Variants in DLC1 observed in about 807,000 individuals in gnomAD.
DLC1 encodes rho GTPase-activating protein 7.
In DLC1, 54 loss-of-function variants were observed where a neutral mutation model predicts 140.3. The ratio of observed to expected loss-of-function variants is 0.38; its 90% CI spans 0.31 to 0.48. The LOEUF (loss-of-function observed/expected upper bound fraction) is 0.48, where lower values mean the gene tolerates loss of function less well. DLC1 is among the 20% of genes least tolerant of loss of function. DLC1 has a pLI of 0.96. For synonymous variants in DLC1, 986 were observed against 728.1 expected (o/e 1.35, Z -5.70); for missense variants, 2,536 against 1,907.0 (o/e 1.33, Z -6.14).
At chr8:13,375,735 A>G (rs199633777) in intron 4 of DLC1, among the ~76,000 whole-genome samples, 1 of 150,596 alleles carries the variant, frequency 6.6e-6, no homozygotes, top group Non-Finnish European at 1.5e-5. Context: ...TTTTATTTTT[A>G]TTTTTTTGCT....
At chr8:13,283,972 G>A (rs1282344850) in intron 5 of DLC1, among the ~76,000 whole-genome samples, 6 of 152,152 alleles carry the variant, frequency 3.9e-5, no homozygotes, top group East Asian at 1.9e-4. Flanking sequence ...ACCAGCATGC[G>A]AAAGAACTCT....
chr8:13,493,107 C>T (rs1338325972), intron 2 of DLC1, among the ~76,000 whole-genome samples: 1 of 152,150 alleles, frequency 6.6e-6, no homozygotes, highest in Non-Finnish European at 1.5e-5. Flanking sequence ...AGTCTTTAGC[C>T]TAGGGAAACA....
At chr8:13,148,001 A>C (rs1024418408) in intron 5 of DLC1, among the ~76,000 whole-genome samples, 7 of 152,150 alleles carry the variant, frequency 4.6e-5, no homozygotes, top group Non-Finnish European at 1.0e-4. Context: ...AAAGAAGAAA[A>C]GCATTTATTA....
rs758317350 is a variant in DLC1, at chr8:13,401,541, C to T, written c.1102G>A (p.Asp368Asn). ...CTGGTGCTGAGGGCATTTTCTATGT[C>T]CTGATCAAGCTGGTCCAGTTTCATA... ...LIMKLDQLDQ[D>N]IENALSTSSS... is the part of the protein sequence containing the mutation. Residue 368 changes from aspartate to asparagine, a missense_variant, in exon 3 of 18, where the codon GAC (aspartate) becomes AAC (asparagine). Coordinates refer to ENST00000276297, the MANE Select transcript of DLC1 (RefSeq NM_182643.3). 1.0e-4 allele frequency: 169 copies of T among 1,613,354 alleles called. 1 individual carries two copies. In the South Asian group the frequency reaches 1.8e-3, roughly 18 times the overall value.
chr8:13,425,085 T>C (rs1487554657), intron 2 of DLC1, among the ~76,000 whole-genome samples: 1 of 151,836 alleles, frequency 6.6e-6, no homozygotes, highest in Non-Finnish European at 1.5e-5. Flanking sequence ...ATTTAGGATA[T>C]GCTTCTCTTT....
intron 2 of DLC1, among the ~76,000 whole-genome samples, chr8:13,465,294 G>A (rs1799879827): frequency 6.6e-6 from 1 of 152,118 alleles, no homozygotes; most frequent in African/African-American, 2.4e-5. Context: ...TGGAGTATGT[G>A]AATGGTTACA....
intron 5 of DLC1, among the ~76,000 whole-genome samples, chr8:13,224,931 C>T (rs1222276141): frequency 1.3e-5 from 2 of 152,184 alleles, no homozygotes; most frequent in African/African-American, 4.8e-5. Context: ...TAGGAATTTT[C>T]TAGGCAATTA....
At chr8:13,518,513 A>T (rs1233989082), upstream of DLC1, among the ~76,000 whole-genome samples, 1 of 152,218 alleles carries the variant, frequency 6.6e-6, no homozygotes, top group Non-Finnish European at 1.5e-5. Context: ...TTGAATCTGG[A>T]CTTCTGTACA....
Position 13,100,587 on chromosome 8 carries a change from C to T in DLC1, c.1750G>A (p.Asp584Asn). 6.2e-7 allele frequency: 1 copy of T among 1,613,830 alleles called. No homozygotes were observed. Among genetic ancestry groups the T allele is most frequent in the African/African-American group, 1.3e-5 (1 of 75,060 alleles). The change falls in exon 9 of 18, where the codon GAC becomes AAC. Residue 584 changes from aspartate to asparagine, a missense_variant. Physicochemically the swap from Asp to Asn is conservative, Grantham distance 23. Coordinates refer to ENST00000276297, the MANE Select transcript of DLC1 (RefSeq NM_182643.3). ...GACACCTCCTGGCGCTCGCTGAGGTCCATCAGCGTGCCTCCGGGGCTGGGG... is the reference window on the plus strand; with the variant it reads ...GACACCTCCTGGCGCTCGCTGAGGTTCATCAGCGTGCCTCCGGGGCTGGGG... ...DGPSPGGTLMDLSERQEVSSV... is the reference protein window; with the variant it reads ...DGPSPGGTLMNLSERQEVSSV...
intron 1 of DLC1, among the ~76,000 whole-genome samples, chr8:13,520,264 A>C (rs902027404): frequency 3.2e-4 from 48 of 152,252 alleles, no homozygotes; most frequent in Non-Finnish European, 5.1e-4. Context: ...AAAATGTGGC[A>C]CATATACACC....
intron 5 of DLC1, chr8:13,160,248 C>T (rs958760184): frequency 2.6e-5 from 4 of 152,194 alleles, no homozygotes; most frequent in Non-Finnish European, 4.4e-5. Context: ...TGTTCCTTCT[C>T]CACGCCCGCT....
intron 1 of DLC1, among the ~76,000 whole-genome samples, chr8:13,555,462 C>A (rs755380055): frequency 1.3e-5 from 2 of 152,008 alleles, no homozygotes; most frequent in Non-Finnish European, 2.9e-5. Context: ...AGGTGGCTTT[C>A]ATTTTATGTT....
chr8:13,543,455 G>C (rs1277286294), intron 1 of DLC1, among the ~76,000 whole-genome samples: 2 of 151,954 alleles, frequency 1.3e-5, no homozygotes, highest in Non-Finnish European at 2.9e-5. Context: ...GAGGATTGTT[G>C]GATCAAATTG....
At chr8:13,221,722 G>GTA (rs372189535) in intron 5 of DLC1, among the ~76,000 whole-genome samples, 34,255 of 130,468 alleles carry the variant, frequency 0.26, 4,933 homozygotes, top group East Asian at 0.73. Flanking sequence ...ATGTGTGTGT[G>GTA]TGTGTATATA....
At chr8:13,121,729 T>G (rs1343836444) in intron 5 of DLC1, among the ~76,000 whole-genome samples, 2 of 151,980 alleles carry the variant, frequency 1.3e-5, no homozygotes, top group Non-Finnish European at 2.9e-5. Context: ...TTTATACTAT[T>G]TTTTATAGAG....
chr8:13,551,629 A>AT (rs1174039700), intron 1 of DLC1, among the ~76,000 whole-genome samples: 1 of 151,992 alleles, frequency 6.6e-6, no homozygotes, highest in African/African-American at 2.4e-5. Flanking sequence ...AACAAATCAA[A>AT]GAGAGGTTCA....
In DLC1 at chr8:13,469,985, T is replaced by C. The variant is rs6999020; in HGVS notation, c.1023+29064A>G. On this transcript the variant is annotated intron_variant, in intron 2 of 17. Transcript: ENST00000276297. ...AGCTTATTTTGTATAGAAAGTGGCA[T>C]TTGGATTTCCCTCAATTTTTATTTC... Among the ~76,000 whole-genome samples, 362 of 151,974 alleles carry C rather than the reference T, an allele frequency of 2.4e-3. 2 individuals carry two copies. The highest frequency in any genetic ancestry group is 8.3e-3 in the African/African-American group (344 of 41,474).
intron 1 of DLC1, among the ~76,000 whole-genome samples, chr8:13,592,044 G>T (rs1182292430): frequency 1.3e-5 from 2 of 152,010 alleles, no homozygotes; most frequent in Non-Finnish European, 1.5e-5. Flanking sequence ...TTGGAACTGG[G>T]TAAGGTCCTA....
At chr8:13,223,322 C>T (rs979812888) in intron 5 of DLC1, among the ~76,000 whole-genome samples, 5 of 152,166 alleles carry the variant, frequency 3.3e-5, no homozygotes, top group South Asian at 2.1e-4. Flanking sequence ...GCTAATATCT[C>T]GTGCAGCCTC....
Sources: allele counts gnomAD v4.1 joint callset (sites outside exome capture counted in the v4.1 genomes callset), GRCh38; gene constraint gnomAD v4.1.1; transcripts MANE v1.5; gene names NCBI Gene and HGNC (gene_info 2026-07-23, HGNC 2026-07-21).